The following KLHL22 variants were observed in gnomAD, a reference collection of about 807,000 sequenced individuals.
KLHL22 encodes the protein kelch like family member 22.
KLHL22 carries 18 observed loss-of-function variants against 60.7 expected under a neutral mutation model. The ratio of observed to expected loss-of-function variants is 0.30; its 90% CI spans 0.20 to 0.44. The LOEUF is 0.44. KLHL22 is among the 20% of genes least tolerant of loss of function. The pLI, the probability that KLHL22 is intolerant of heterozygous loss-of-function variation, is 1.00. For missense variants in KLHL22, 596 were observed against 852.3 expected, an observed-to-expected ratio of 0.70 and a Z score of 3.74; for synonymous variants, 355 against 354.5, an observed-to-expected ratio of 1.00 and a Z score of -0.01.
intron 6 of KLHL22, among the ~76,000 whole-genome samples, 172 bp downstream of exon 6, chr22:20,446,271 A>G (rs1482945472): frequency 6.6e-6 from 1 of 152,056 alleles, no homozygotes; most frequent in Non-Finnish European, 1.5e-5. Flanking sequence ...GTATGGGGGG[A>G]AAAGGGGGTG....
At position 20,442,452 on chromosome 22, in the gene KLHL22, G is replaced by A. The variant is rs554072247; in HGVS notation, c.1540-14C>T. On this transcript the variant is annotated splice_polypyrimidine_tract_variant and intron_variant, in intron 6 of 6. Transcript: ENST00000328879. ...GTAGCAGGCCACCTGCAAAGCCAAG[G>A]CTAGAATAAAGCCCAGCACCCACTG... 8 of 1,572,334 alleles carry A rather than the reference G, an allele frequency of 5.1e-6. No individual in the cohort carries two copies. In the Admixed American group the frequency reaches 5.3e-5, roughly 10 times the overall value.
Position 20,465,013 on chromosome 22 carries a change from C to A in KLHL22, c.957G>T (p.Lys319Asn). Reference sequence around the variant, plus strand: ...ACTCTCCCAGTAAGGGGTTTAGATACTTGGCCTGGTCGCTGAGGACAGTGG... The same window carrying A: ...ACTCTCCCAGTAAGGGGTTTAGATAATTGGCCTGGTCGCTGAGGACAGTGG... ...TPSTVLSDQA[K>N]YLNPLLGEWK... The change falls in exon 4 of 7, where the codon AAG (lysine) becomes AAT (asparagine). Residue 319 changes from lysine to asparagine, a missense_variant. Coordinates refer to ENST00000328879, the MANE Select transcript of KLHL22 (RefSeq NM_032775.4). The surrounding 1 kb of genome is among the most constrained non-coding windows in gnomAD (Gnocchi z 4.9). 6.2e-7 allele frequency: 1 copy of A among 1,611,760 alleles called. No homozygotes were observed. The highest frequency in any genetic ancestry group is 8.5e-7 in the Non-Finnish European group (1 of 1,178,836).
chr22:20,442,862 T>C (rs1482238490), intron 6 of KLHL22, among the ~76,000 whole-genome samples: 5 of 152,238 alleles, frequency 3.3e-5, no homozygotes, highest in Non-Finnish European at 7.3e-5. Flanking sequence ...TCCACTGAAA[T>C]GTCTTCAACC....
intron 2 of KLHL22, among the ~76,000 whole-genome samples, chr22:20,474,948 AAG>A (rs1309564861): frequency 6.6e-6 from 1 of 152,206 alleles, no homozygotes; most frequent in African/African-American, 2.4e-5. Flanking sequence ...CCAACCCAGG[AAG>A]ACACCAGCTC....
chr22:20,473,916 C>T (rs2053367341), intron 2 of KLHL22, among the ~76,000 whole-genome samples: 1 of 139,534 alleles, frequency 7.2e-6, no homozygotes, highest in Admixed American at 6.9e-5. Flanking sequence ...GTGAAAGTCC[C>T]CTTGCCTCTG....
rs1212086107 is a variant in KLHL22, at chr22:20,467,222, T to G, written c.394-1646A>C. On this transcript the variant is annotated intron_variant, in intron 3 of 6. Transcript: ENST00000328879. ...TGAACCCAAACCAGGCCCTTGAACA[T>G]TCCCAGGCACTGATAAAGGCATCAA... Among the ~76,000 whole-genome samples the G allele has an allele frequency of 2.0e-5, 3 of 152,150 alleles. No individual in the cohort carries two copies. The East Asian group carries it at 5.8e-4, about 29-fold the overall frequency.
At chr22:20,473,922 C>T (rs1020035291) in intron 2 of KLHL22, among the ~76,000 whole-genome samples, 15 of 132,464 alleles carry the variant, frequency 1.1e-4, no homozygotes, top group Admixed American at 1.1e-3. Context: ...GTCCCCTTGC[C>T]TCTGCTCCCA....
At chr22:20,476,891 G>C (rs1008478281) in intron 2 of KLHL22, among the ~76,000 whole-genome samples, 4 of 150,566 alleles carry the variant, frequency 2.7e-5, no homozygotes, top group African/African-American at 9.8e-5. Flanking sequence ...ATTTTTAGTA[G>C]AGACAGGGTT....
At position 20,446,595 on chromosome 22, in the gene KLHL22, T is replaced by G; in HGVS notation, c.1387A>C (p.Thr463Pro). ...GRRGEDYLKE[T>P]HCYDPGSNTW... The stretch of plus-strand genomic sequence containing the variant: ...TTGCTGCCTGGATCGTAGCAGTGTG[T>G]CTCTTTCAGGTAATCCTCCCCTCTG... The change falls in exon 6 of 7, where the codon ACA (threonine) becomes CCA (proline). Residue 463 changes from threonine to proline, a missense_variant. By Grantham distance (38) the Thr-to-Pro change is conservative. Transcript: ENST00000328879. 6.2e-7 allele frequency: 1 copy of G among 1,613,936 alleles called. No individual in the cohort carries two copies. The highest frequency in any genetic ancestry group is 8.5e-7 in the Non-Finnish European group (1 of 1,180,034).
chr22:20,477,570 C>T (rs1209693580), intron 2 of KLHL22, among the ~76,000 whole-genome samples: 1 of 151,960 alleles, frequency 6.6e-6, no homozygotes, highest in Non-Finnish European at 1.5e-5. Flanking sequence ...GACACCATTG[C>T]CCAGCCTGGG....
At chr22:20,468,401 G>A (rs1460085570) in intron 3 of KLHL22, among the ~76,000 whole-genome samples, 1 of 152,182 alleles carries the variant, frequency 6.6e-6, no homozygotes, top group Non-Finnish European at 1.5e-5. Flanking sequence ...CTGGGCTCAG[G>A]ATGTGCAAAA....
intron 5 of KLHL22, among the ~76,000 whole-genome samples, chr22:20,447,606 G>C (rs531886842): frequency 6.8e-6 from 1 of 147,940 alleles, no homozygotes; most frequent in Non-Finnish European, 1.5e-5. Flanking sequence ...GCAGTGGCAC[G>C]ATCTCGGCTC....
rs1046586377 is a variant in KLHL22, at chr22:20,495,585, C to A, written c.-34+175G>T. On this transcript the variant is annotated intron_variant, in intron 1 of 6. Transcript: ENST00000328879. This position sits in a 1 kb window ranked among gnomAD's most constrained non-coding sequence, Gnocchi z 4.6. ...GATCCCGCCGGCCGCGTCCCCGCCA[C>A]GTCAGGCCGCGGGCTCTCCTCAGGT... Among the ~76,000 whole-genome samples the A allele has an allele frequency of 4.7e-5, 7 of 150,440 alleles. No homozygotes were observed. The highest frequency in any genetic ancestry group is 1.7e-4 in the African/African-American group (7 of 41,196).
chr22:20,458,097 C>G, intron 4 of KLHL22, 97 bp from the exon 5 acceptor site: 1 of 1,380,166 alleles, frequency 7.2e-7, no homozygotes, highest in Non-Finnish European at 9.9e-7. Flanking sequence ...TGCTTTGCCT[C>G]AGCCCAGCCT....
chr22:20,479,162 C>T (rs1188664806), intron 2 of KLHL22, among the ~76,000 whole-genome samples: 1 of 151,646 alleles, frequency 6.6e-6, no homozygotes, highest in Non-Finnish European at 1.5e-5. Context: ...CTCACGGCAG[C>T]CTCAACCTCC....
intron 2 of KLHL22, among the ~76,000 whole-genome samples, chr22:20,474,827 T>C (rs897635078): frequency 6.6e-6 from 1 of 152,244 alleles, no homozygotes; most frequent in Non-Finnish European, 1.5e-5. Flanking sequence ...GTCCCACAAA[T>C]ACAGTTGCTG....
chr22:20,457,981 G>C lies in KLHL22; in HGVS notation c.1132C>G (p.Arg378Gly). The change falls in exon 5 of 7, where the codon CGC becomes GGC. Residue 378 changes from arginine to glycine, a missense_variant. Transcript: ENST00000328879. ...RCWRYDPRHN[R>G]WFQIQSLQQE... ...TGCAGGGACTGGATCTGGAACCAGC[G>C]GTTGTGCCGTGGGTCATACCTGTGC... 6.2e-7 allele frequency: 1 copy of C among 1,614,102 alleles called. No homozygotes were observed. Among genetic ancestry groups the C allele is most frequent in the South Asian group, 1.1e-5 (1 of 91,080 alleles).
chr22:20,476,959 G>A (rs1408217812), intron 2 of KLHL22, among the ~76,000 whole-genome samples: 3 of 150,730 alleles, frequency 2.0e-5, no homozygotes, highest in South Asian at 2.1e-4. Context: ...CACCCACCTC[G>A]GCCTCCCATA....
rs373583346 is a variant in KLHL22, at chr22:20,446,814, A to G, written c.1306-138T>C. On this transcript the variant is annotated intron_variant, in intron 5 of 6. Transcript: ENST00000328879. ...CACCACTTCCCACTCACATACAGAC[A>G]AGAATCCTCCCTCGATTCTCATGGG... The G allele has an allele frequency of 3.5e-5, 24 of 680,544 alleles. 1 individual carries two copies. Among genetic ancestry groups the G allele is most frequent in the South Asian group, 1.8e-4 (11 of 60,420 alleles). The allele number at this position is 680,544 out of a possible 1,614,324, so 42.2% of individuals were successfully genotyped here.
Sources: gnomAD v4.1 joint callset for allele counts (sites outside exome capture counted in the v4.1 genomes callset) on GRCh38, gnomAD v4.1.1 for gene constraint, Gnocchi (gnomAD v3.1) non-coding constraint, MANE v1.5 for transcripts, NCBI Gene and HGNC (gene_info 2026-07-23, HGNC 2026-07-21) for gene names.